TANC1: variants seen among roughly 807,000 people sequenced by gnomAD.
TANC1 encodes protein TANC1.
In TANC1, 77 loss-of-function variants were observed where a neutral mutation model predicts 149.7. The ratio of observed to expected loss-of-function variants is 0.51; its 90% CI spans 0.43 to 0.62. The LOEUF is 0.62. Ranked by LOEUF, TANC1 falls within the 20% of genes least tolerant of loss-of-function variation. TANC1 has a pLI of 0.00. For missense variants in TANC1, 1,985 were observed against 2,321.8 expected (o/e 0.85, Z 2.98); for synonymous variants, 854 against 925.0 (o/e 0.92, Z 1.39).
At chr2:159,062,504 A>G (rs1260908950) in intron 2 of TANC1, among the ~76,000 whole-genome samples, 1 of 152,116 alleles carries the variant, frequency 6.6e-6, no homozygotes, top group Non-Finnish European at 1.5e-5. Flanking sequence ...TGCTACTGGA[A>G]GGGAAGTGTG....
At position 159,170,540 on chromosome 2, in the gene TANC1, C is replaced by T; in HGVS notation, c.1086C>T (p.Tyr362=). The T allele has an allele frequency of 6.2e-7, 1 of 1,609,754 alleles. No homozygotes were observed. Among genetic ancestry groups the T allele is most frequent in the Non-Finnish European group, 8.5e-7 (1 of 1,176,474 alleles). The change falls in exon 10 of 27, where the codon TAC becomes TAT. Residue 362 remains tyrosine (Y), a synonymous_variant. Coordinates refer to ENST00000263635, the MANE Select transcript of TANC1 (RefSeq NM_033394.3). ...AQEVKARFAP[Y]KPQDILLKPL... Reference sequence around the variant, plus strand: ...CTTTTGAAGCACGATTTGCTCCCTACAAGCCACAAGACATTTTGTTGAAAC... The same window carrying T: ...CTTTTGAAGCACGATTTGCTCCCTATAAGCCACAAGACATTTTGTTGAAAC...
At chr2:159,084,160 G>T (rs1301180364) in intron 3 of TANC1, among the ~76,000 whole-genome samples, 1 of 151,950 alleles carries the variant, frequency 6.6e-6, no homozygotes, top group Non-Finnish European at 1.5e-5. Context: ...TGAGGCAGGG[G>T]AATGGCTTGA....
intron 3 of TANC1, among the ~76,000 whole-genome samples, chr2:159,076,954 T>C (rs2043750101): frequency 6.6e-6 from 1 of 152,196 alleles, no homozygotes; most frequent in Non-Finnish European, 1.5e-5. Context: ...AAATTTTCTT[T>C]ATAATTTCTT....
At chr2:159,186,866 C>G in intron 15 of TANC1, 36 bp from the exon 16 acceptor site, 2 of 1,613,782 alleles carry the variant, frequency 1.2e-6, no homozygotes, top group Non-Finnish European at 1.7e-6. Flanking sequence ...AGATCTGTCT[C>G]TGATTGTTTC....
At chr2:158,985,938 G>C (rs777438078) in intron 1 of TANC1, among the ~76,000 whole-genome samples, 2 of 152,216 alleles carry the variant, frequency 1.3e-5, no homozygotes, top group African/African-American at 2.4e-5. Flanking sequence ...ACCGCACCCA[G>C]CTGACTGGGC....
intron 20 of TANC1, among the ~76,000 whole-genome samples, 180 bp from the exon 21 acceptor site, chr2:159,219,058 A>G (rs909874801): frequency 1.3e-5 from 2 of 152,340 alleles, no homozygotes; most frequent in Non-Finnish European, 2.9e-5. Context: ...CATATTTTGG[A>G]AAAGGTTCTG....
chr2:159,003,926 G>A (rs2036878121), intron 2 of TANC1: 1 of 1,612,850 alleles, frequency 6.2e-7, no homozygotes, highest in Non-Finnish European at 8.5e-7. Context: ...GAAGAAGGTG[G>A]TACATAGAAC....
At chr2:159,080,306 A>G (rs1041152591) in intron 3 of TANC1, among the ~76,000 whole-genome samples, 2 of 139,998 alleles carry the variant, frequency 1.4e-5, no homozygotes, top group Non-Finnish European at 3.4e-5. Flanking sequence ...TACTGCTTCT[A>G]GAAGAGAGCA....
At chr2:159,019,651 C>CTTTT (rs2038620199) in intron 2 of TANC1, among the ~76,000 whole-genome samples, 4 of 61,280 alleles carry the variant, frequency 6.5e-5, no homozygotes, top group Non-Finnish European at 1.0e-4. Flanking sequence ...TGCTTTCTTT[C>CTTTT]TGTTTTTTTT....
At chr2:159,002,988 C>T (rs959831738) in intron 2 of TANC1, among the ~76,000 whole-genome samples, 4 of 152,166 alleles carry the variant, frequency 2.6e-5, no homozygotes, top group Admixed American at 1.3e-4. Flanking sequence ...GCTGTAACCT[C>T]CAGGTGTAAA....
chr2:159,125,984 A>G (rs1003619155), intron 4 of TANC1, among the ~76,000 whole-genome samples: 8 of 152,038 alleles, frequency 5.3e-5, no homozygotes, highest in South Asian at 2.1e-4. Context: ...TTCATCTTCA[A>G]TGCCAGAAAG....
chr2:159,177,403 A>T (rs1278707438), intron 13 of TANC1, among the ~76,000 whole-genome samples: 4 of 152,036 alleles, frequency 2.6e-5, no homozygotes, highest in Non-Finnish European at 5.9e-5. Context: ...AGACTTTTAG[A>T]CATTAGGTTT....
At chr2:159,201,048 T>G (rs909081709) in intron 19 of TANC1, among the ~76,000 whole-genome samples, 1 of 151,892 alleles carries the variant, frequency 6.6e-6, no homozygotes, top group Non-Finnish European at 1.5e-5. Flanking sequence ...GCAAGCTAAG[T>G]GCTGTTTTTC....
At chr2:159,055,260 T>A (rs996552826) in intron 2 of TANC1, among the ~76,000 whole-genome samples, 9 of 152,242 alleles carry the variant, frequency 5.9e-5, no homozygotes, top group Non-Finnish European at 1.0e-4. Flanking sequence ...GAGACCACGA[T>A]CAGACTGTGG....
chr2:159,141,952 CAA>C (rs1188506085), intron 5 of TANC1, among the ~76,000 whole-genome samples: 2 of 152,018 alleles, frequency 1.3e-5, no homozygotes, highest in East Asian at 1.9e-4. Context: ...ACAGGAAAAT[CAA>C]AAGAGAAGGT....
At chr2:159,094,763 T>TTG (rs201182144) in intron 3 of TANC1, among the ~76,000 whole-genome samples, 1 of 125,540 alleles carries the variant, frequency 8.0e-6, no homozygotes, top group African/African-American at 3.4e-5. Flanking sequence ...TGGATGAAGC[T>TTG]TGTGTGTGTG....
chr2:159,011,641 T>C lies in TANC1; in HGVS notation c.-16+10452T>C, dbSNP rs955672494. ...TCCTCAAGGTCCTGGCCTCAAGCCATCTTCCCTCCTTAGCCTCCTGAGTAA... is the reference window on the plus strand; with the variant it reads ...TCCTCAAGGTCCTGGCCTCAAGCCACCTTCCCTCCTTAGCCTCCTGAGTAA... On this transcript the variant is annotated intron_variant, in intron 2 of 26. Coordinates refer to ENST00000263635, the MANE Select transcript of TANC1 (RefSeq NM_033394.3). Among the ~76,000 whole-genome samples, 2 of 148,780 alleles carry C rather than the reference T, an allele frequency of 1.3e-5. 1 individual carries two copies. Among genetic ancestry groups the C allele is most frequent in the East Asian group, 4.2e-4 (2 of 4,760 alleles).
chr2:159,145,318 G>A (rs1039437784), intron 5 of TANC1, among the ~76,000 whole-genome samples: 3 of 152,166 alleles, frequency 2.0e-5, no homozygotes, highest in Admixed American at 1.3e-4. Flanking sequence ...GAAAATAATC[G>A]CAAGGAAGTG....
chr2:159,025,689 C>G (rs1030498805), intron 2 of TANC1, among the ~76,000 whole-genome samples: 3 of 152,132 alleles, frequency 2.0e-5, no homozygotes, highest in Non-Finnish European at 4.4e-5. Flanking sequence ...TGGGGCTTTA[C>G]TATAATACCA....
Sources: allele counts gnomAD v4.1 joint callset (sites outside exome capture counted in the v4.1 genomes callset), GRCh38; gene constraint gnomAD v4.1.1; transcripts MANE v1.5; gene names NCBI Gene and HGNC (gene_info 2026-07-23, HGNC 2026-07-21).